The following ZDHHC7 variants were observed in gnomAD, a reference collection of about 807,000 sequenced individuals.
ZDHHC7 encodes the protein palmitoyltransferase ZDHHC7.
A neutral mutation model predicts 34.1 loss-of-function variants in ZDHHC7; 12 were observed. That is an observed-to-expected ratio of 0.35 (90% confidence interval 0.23 to 0.57). The LOEUF (loss-of-function observed/expected upper bound fraction) is 0.57. ZDHHC7 is among the 20% of genes least tolerant of loss of function. ZDHHC7 has a pLI of 0.84. For missense variants in ZDHHC7, 388 were observed against 402.7 expected, an observed-to-expected ratio of 0.96 and a Z score of 0.31; for synonymous variants, 185 against 155.4, an observed-to-expected ratio of 1.19 and a Z score of -1.42.
intron 1 of ZDHHC7, among the ~76,000 whole-genome samples, chr16:84,998,386 T>TGGCTTC (rs2072611008): frequency 1.3e-5 from 2 of 152,172 alleles, no homozygotes; most frequent in African/African-American, 4.8e-5. Flanking sequence ...GTTTCGGCTC[T>TGGCTTC]GGCTTCGGCG....
chr16:85,014,017 C>A (rs553939753), upstream of ZDHHC7, among the ~76,000 whole-genome samples: 4 of 152,242 alleles, frequency 2.6e-5, no homozygotes, highest in South Asian at 8.3e-4. Flanking sequence ...GGACCCCAAC[C>A]AAGAATGTAA....
chr16:85,025,102 C>G, the ZDHHC7 span, among the ~76,000 whole-genome samples: 1 of 151,854 alleles, frequency 6.6e-6, no homozygotes, highest in Non-Finnish European at 1.5e-5. Flanking sequence ...CATGGTGAAA[C>G]CCCCATCTCT....
rs955914085 is a variant in ZDHHC7 at position 85,011,474 on chromosome 16, C to G, written c.-292G>C. On this transcript the variant is annotated 5_prime_UTR_variant, in exon 1 of 8. Transcript: ENST00000313732. Reference sequence around the variant, plus strand: ...CGGGCAGGTCGGAAGGAGGCTGCAGCCAAGCAAATGCCTCAGCCCGGAGCC... The same window carrying G: ...CGGGCAGGTCGGAAGGAGGCTGCAGGCAAGCAAATGCCTCAGCCCGGAGCC... 1 of 152,280 alleles carries G rather than the reference C, an allele frequency of 6.6e-6. No homozygotes were observed. The highest frequency in any genetic ancestry group is 1.5e-5 in the Non-Finnish European group (1 of 67,998). 9.4% of individuals were successfully genotyped at this position (152,280 alleles called of 1,614,324 possible).
At position 84,995,397 on chromosome 16, in the gene ZDHHC7, G is replaced by A. The variant is rs541285622; in HGVS notation, c.-18+525C>T. On this transcript the variant is annotated intron_variant, in intron 2 of 7. Transcript: ENST00000313732. Reference sequence around the variant, plus strand: ...TCCCAGCACTTTGGGAGGCCAAGGCGAGTGGATCACTTGTGGTCAGGAGTT... The same window carrying A: ...TCCCAGCACTTTGGGAGGCCAAGGCAAGTGGATCACTTGTGGTCAGGAGTT... Among the ~76,000 whole-genome samples, 170 of 152,296 alleles carry A rather than the reference G, an allele frequency of 1.1e-3. 2 individuals carry two copies. Among genetic ancestry groups the A allele is most frequent in the Middle Eastern group, 3.4e-3 (1 of 294 alleles).
Position 84,977,955 on chromosome 16 carries a change from C to G in ZDHHC7, c.588G>C (p.Gln196His). ...SVHALILCGFQFISCVRGQWT... is the reference protein window; with the variant it reads ...SVHALILCGFHFISCVRGQWT... ...ACTGCCCTCGGACACAGGAGATGAACTGAAATCCACAAAGGATCAGAGCAT... is the reference window on the plus strand; with the variant it reads ...ACTGCCCTCGGACACAGGAGATGAAGTGAAATCCACAAAGGATCAGAGCAT... Residue 196 changes from glutamine (Q) to histidine (H), a missense_variant, in exon 6 of 8, where the codon CAG becomes CAC. By Grantham distance (24) the Gln-to-His change is conservative. Coordinates refer to ENST00000313732, the MANE Select transcript of ZDHHC7 (RefSeq NM_017740.3). The G allele has an allele frequency of 6.2e-7, 1 of 1,614,126 alleles. No homozygotes were observed. The highest frequency in any genetic ancestry group is 8.5e-7 in the Non-Finnish European group (1 of 1,179,996).
chr16:85,012,586 T>C (rs1367415647), upstream of ZDHHC7, among the ~76,000 whole-genome samples: 1 of 151,978 alleles, frequency 6.6e-6, no homozygotes, highest in Non-Finnish European at 1.5e-5. Flanking sequence ...CAATACCTAC[T>C]TGTTCAATGA....
In ZDHHC7 at chr16:84,976,256, T is replaced by TG; in HGVS notation, c.*86dup. ...TTTGTGTAGGTTCCAGTTGCCCTGTTGGTCACAGATGAGCTGTTGATATCC... is the reference window on the plus strand; with the variant it reads ...TTTGTGTAGGTTCCAGTTGCCCTGTTGGGTCACAGATGAGCTGTTGATATCC... On this transcript the variant is annotated 3_prime_UTR_variant, in exon 8 of 8. Coordinates refer to ENST00000313732, the MANE Select transcript of ZDHHC7 (RefSeq NM_017740.3). 1.3e-6 allele frequency: 2 copies of TG among 1,531,868 alleles called. No individual in the cohort carries two copies. Among genetic ancestry groups the TG allele is most frequent in the Non-Finnish European group, 1.8e-6 (2 of 1,128,094 alleles). 94.9% of individuals were successfully genotyped at this position (1,531,868 alleles called of 1,614,324 possible). A position where few individuals can be genotyped will look rare whatever the true frequency, so the allele number is the denominator to read the frequency against.
At chr16:84,993,798 T>C (rs998520759) in intron 2 of ZDHHC7, among the ~76,000 whole-genome samples, 7 of 152,180 alleles carry the variant, frequency 4.6e-5, no homozygotes, top group Non-Finnish European at 1.0e-4. Context: ...CTGCTCAACA[T>C]CCCCTGCAAA....
chr16:84,995,638 C>CAA (rs145708445), intron 2 of ZDHHC7, among the ~76,000 whole-genome samples: 5 of 151,174 alleles, frequency 3.3e-5, no homozygotes, highest in African/African-American at 4.9e-5. Context: ...AAAAAACAGA[C>CAA]AAAAAAAACC....
intron 3 of ZDHHC7, chr16:84,988,960 T>C: frequency 1.5e-6 from 2 of 1,346,870 alleles, no homozygotes; most frequent in Non-Finnish European, 2.1e-6. Flanking sequence ...CTGGGCACTT[T>C]GGGCAACAAA....
At chr16:85,013,884 C>T (rs1286635334), upstream of ZDHHC7, among the ~76,000 whole-genome samples, 1 of 150,458 alleles carries the variant, frequency 6.6e-6, no homozygotes, top group Non-Finnish European at 1.5e-5. Context: ...GACGGGGTTT[C>T]ACTATGTTGG....
intron 2 of ZDHHC7, among the ~76,000 whole-genome samples, chr16:84,993,639 C>T (rs1168775363): frequency 1.3e-5 from 2 of 151,822 alleles, no homozygotes; most frequent in Non-Finnish European, 2.9e-5. Flanking sequence ...AAGTAAGACC[C>T]AATGTCAAAA....
At chr16:84,988,505 A>T (rs2072466422) in intron 3 of ZDHHC7, among the ~76,000 whole-genome samples, 1 of 152,184 alleles carries the variant, frequency 6.6e-6, no homozygotes, top group South Asian at 2.1e-4. Flanking sequence ...CAAGCAAAAG[A>T]AATCTGCCCA....
chr16:84,998,879 G>A (rs985188373), intron 1 of ZDHHC7, among the ~76,000 whole-genome samples: 2 of 148,300 alleles, frequency 1.3e-5, no homozygotes, highest in African/African-American at 2.5e-5. Flanking sequence ...TCAGCCTCCC[G>A]AGTAGCTGGG....
chr16:84,978,060 CAG>C (rs1441274092), intron 5 of ZDHHC7, 55 bp from the exon 6 acceptor site: 7 of 1,422,126 alleles, frequency 4.9e-6, no homozygotes, highest in African/African-American at 2.9e-5. Flanking sequence ...TTTTTAGAAA[CAG>C]AGTCTCCCTC....
intron 1 of ZDHHC7, among the ~76,000 whole-genome samples, chr16:85,006,335 A>T (rs2072716814): frequency 6.6e-6 from 1 of 152,094 alleles, no homozygotes; most frequent in African/African-American, 2.4e-5. Flanking sequence ...CTCCAGCCTG[A>T]GTAACAGAGA....
intron 5 of ZDHHC7, among the ~76,000 whole-genome samples, chr16:84,978,696 C>G (rs1025631066): frequency 6.6e-6 from 1 of 152,038 alleles, no homozygotes; most frequent in Admixed American, 6.6e-5. Context: ...AACCCCATCT[C>G]TACGAAAAAT....
In ZDHHC7 at chr16:84,988,683, C is replaced by T. The variant is rs1049507455; in HGVS notation, c.315+1621G>A. 130 of 1,267,556 alleles carry T rather than the reference C, an allele frequency of 1.0e-4. 2 individuals carry two copies. The Admixed American group carries it at 2.4e-3, about 23-fold the overall frequency. The allele number at this position is 1,267,556 out of a possible 1,614,324, so 78.5% of individuals were successfully genotyped here. A position where few individuals can be genotyped will look rare whatever the true frequency, so the allele number is the denominator to read the frequency against. Reference sequence around the variant, plus strand: ...AGCGCAGAGGAGGAAGGGGCAAGTGCGCTTGTCAGCAAAGAGGAGCAAACT... The same window carrying T: ...AGCGCAGAGGAGGAAGGGGCAAGTGTGCTTGTCAGCAAAGAGGAGCAAACT... On this transcript the variant is annotated intron_variant, in intron 3 of 7. Transcript: ENST00000313732.
chr16:84,985,068 T>C (rs754306476), intron 3 of ZDHHC7, among the ~76,000 whole-genome samples: 1 of 152,252 alleles, frequency 6.6e-6, no homozygotes, highest in Non-Finnish European at 1.5e-5. Context: ...AAAACACTTC[T>C]TGAATGTTTC....
Sources: allele counts gnomAD v4.1 joint callset (sites outside exome capture counted in the v4.1 genomes callset), GRCh38; gene constraint gnomAD v4.1.1; transcripts MANE v1.5; gene names NCBI Gene and HGNC (gene_info 2026-07-23, HGNC 2026-07-21).